The following TAF3 variants were observed in gnomAD, a reference collection of about 807,000 sequenced individuals.
TAF3 encodes TATA-box binding protein associated factor 3.
A neutral mutation model predicts 80.6 loss-of-function variants in TAF3; 7 were observed. The observed-to-expected ratio is 0.09, with a 90% CI of 0.05 to 0.16. TAF3 has a LOEUF of 0.16. Among genes scored for constraint, TAF3 ranks in the 10% least tolerant of loss-of-function variants. TAF3 has a pLI of 1.00. For missense variants in TAF3, 921 were observed against 1,140.2 expected (o/e 0.81, Z 2.77); for synonymous variants, 444 against 446.1 (o/e 1.00, Z 0.06).
intron 1 of TAF3, among the ~76,000 whole-genome samples, chr10:7,823,925 C>T (rs1316037224): frequency 6.6e-6 from 1 of 150,492 alleles, no homozygotes; most frequent in Admixed American, 6.6e-5. Context: ...GCCATCGCGC[C>T]CAGCTAAGAT....
chr10:7,821,267 A>AT (rs780874252), intron 1 of TAF3, among the ~76,000 whole-genome samples: 5 of 151,888 alleles, frequency 3.3e-5, no homozygotes, highest in Non-Finnish European at 7.4e-5. Context: ...ATATTTTTAG[A>AT]TTCTTTTTTC....
chr10:7,875,888 AT>A (rs1412370657), intron 2 of TAF3, among the ~76,000 whole-genome samples: 6 of 152,050 alleles, frequency 3.9e-5, no homozygotes, highest in Admixed American at 2.0e-4. Flanking sequence ...AAGAGTATTC[AT>A]TTTTTTCTTG....
At chr10:7,969,826 C>T (rs1166799685) in intron 3 of TAF3, among the ~76,000 whole-genome samples, 2 of 152,232 alleles carry the variant, frequency 1.3e-5, no homozygotes, top group East Asian at 1.9e-4. Flanking sequence ...CCACACTGAC[C>T]GGGGTGGAAA....
intron 2 of TAF3, among the ~76,000 whole-genome samples, chr10:7,879,517 G>A (rs1359186751): frequency 6.6e-6 from 1 of 152,152 alleles, no homozygotes; most frequent in African/African-American, 2.4e-5. Flanking sequence ...AAATGACATG[G>A]CATTATTTTA....
chr10:7,901,276 T>A (rs987880897), intron 2 of TAF3, among the ~76,000 whole-genome samples: 1 of 152,234 alleles, frequency 6.6e-6, no homozygotes, highest in African/African-American at 2.4e-5. Context: ...TTGGAATGTT[T>A]CCAAACCTCT....
intron 2 of TAF3, among the ~76,000 whole-genome samples, chr10:7,858,530 G>C (rs922615678): frequency 6.6e-6 from 1 of 152,132 alleles, no homozygotes; most frequent in African/African-American, 2.4e-5. Flanking sequence ...TTCTGAACTG[G>C]GAGGCAGAAA....
intron 2 of TAF3, among the ~76,000 whole-genome samples, chr10:7,911,115 G>T (rs1442205873): frequency 6.6e-6 from 1 of 152,194 alleles, no homozygotes; most frequent in Admixed American, 6.5e-5. Context: ...TGAAAGTGTA[G>T]TCTTGCTATC....
chr10:7,863,682 T>C (rs1411941195), intron 2 of TAF3, among the ~76,000 whole-genome samples: 4 of 85,002 alleles, frequency 4.7e-5, no homozygotes, highest in Non-Finnish European at 7.1e-5. Flanking sequence ...CATATATATA[T>C]ATACACACAC....
intron 2 of TAF3, among the ~76,000 whole-genome samples, chr10:7,883,158 G>A (rs1201854605): frequency 6.6e-6 from 1 of 152,222 alleles, no homozygotes. Flanking sequence ...GGAAAGGACA[G>A]TTTGTCTGGT....
At position 7,847,776 on chromosome 10, in the gene TAF3, C is replaced by A. The variant is rs35725342; in HGVS notation, c.409+23216C>A. Reference sequence around the variant, plus strand: ...GATTCTTGTTAAAACTTCTTTTTTTCTTAATTTTGAGACAAGAGTTTCGCT... The same window carrying A: ...GATTCTTGTTAAAACTTCTTTTTTTATTAATTTTGAGACAAGAGTTTCGCT... On this transcript the variant is annotated intron_variant, in intron 2 of 6. Transcript: ENST00000344293. Among the ~76,000 whole-genome samples the A allele has an allele frequency of 5.6e-3, 841 of 150,832 alleles. 8 individuals are homozygous for A. Among genetic ancestry groups the A allele is most frequent in the South Asian group, 0.024 (115 of 4,764 alleles).
intron 2 of TAF3, among the ~76,000 whole-genome samples, chr10:7,836,651 A>G (rs1430028022): frequency 6.6e-6 from 1 of 152,178 alleles, no homozygotes; most frequent in Non-Finnish European, 1.5e-5. Context: ...TCAGTCACCT[A>G]AGCTAGAAAC....
chr10:7,994,183 C>T (rs998325118), intron 4 of TAF3, among the ~76,000 whole-genome samples: 2 of 151,682 alleles, frequency 1.3e-5, no homozygotes, highest in South Asian at 2.1e-4. Flanking sequence ...TACTGGGTTT[C>T]GACACAACCT....
chr10:8,013,620 A>T, intron 5 of TAF3, 111 bp from the exon 6 acceptor site: 2 of 750,820 alleles, frequency 2.7e-6, no homozygotes, highest in Non-Finnish European at 4.4e-6. Flanking sequence ...TTTTTAGTTT[A>T]ATATGCCTGT....
At chr10:7,920,296 A>G (rs1837750305) in intron 2 of TAF3, among the ~76,000 whole-genome samples, 1 of 134,220 alleles carries the variant, frequency 7.5e-6, no homozygotes, top group African/African-American at 2.8e-5. Flanking sequence ...AAATTTAAAC[A>G]TACGTGTGTG....
At chr10:7,850,974 A>G (rs1837021541) in intron 2 of TAF3, among the ~76,000 whole-genome samples, 1 of 152,206 alleles carries the variant, frequency 6.6e-6, no homozygotes, top group African/African-American at 2.4e-5. Flanking sequence ...TCATGAACAC[A>G]GAAAATATGT....
At chr10:7,838,081 G>A (rs1363930354) in intron 2 of TAF3, among the ~76,000 whole-genome samples, 2 of 152,178 alleles carry the variant, frequency 1.3e-5, no homozygotes, top group East Asian at 1.9e-4. Flanking sequence ...ATTTATGGAA[G>A]GAGAAATGGA....
At chr10:7,920,851 T>C (rs1393556749) in intron 2 of TAF3, among the ~76,000 whole-genome samples, 1 of 152,238 alleles carries the variant, frequency 6.6e-6, no homozygotes, top group Admixed American at 6.5e-5. Context: ...TAATAATTTT[T>C]TTAACAGTGA....
intron 4 of TAF3, among the ~76,000 whole-genome samples, chr10:7,984,241 C>T (rs780653252): frequency 2.8e-4 from 42 of 152,024 alleles, no homozygotes; most frequent in Non-Finnish European, 5.3e-4. Context: ...TTTACCCCGG[C>T]ACAATACTGT....
At chr10:8,000,392 C>T (rs896046709) in intron 4 of TAF3, among the ~76,000 whole-genome samples, 6 of 152,100 alleles carry the variant, frequency 3.9e-5, no homozygotes, top group African/African-American at 1.2e-4. Context: ...GCTGGGATTA[C>T]AAGTGTGAGC....
Sources: allele counts gnomAD v4.1 joint callset (sites outside exome capture counted in the v4.1 genomes callset), GRCh38; gene constraint gnomAD v4.1.1; transcripts MANE v1.5; gene names NCBI Gene and HGNC (gene_info 2026-07-23, HGNC 2026-07-21).